Variants in OGDH observed in about 807,000 individuals in gnomAD.
OGDH encodes 2-oxoglutarate dehydrogenase complex component E1.
Under a neutral mutation model 116.6 loss-of-function variants are expected in OGDH, and 38 were observed. The ratio of observed to expected loss-of-function variants is 0.33; its 90% confidence interval spans 0.25 to 0.43. OGDH has a LOEUF of 0.43. Among genes scored for constraint, OGDH ranks in the 20% least tolerant of loss-of-function variants. OGDH has a pLI of 1.00. For synonymous variants in OGDH, 488 were observed against 533.3 expected (o/e 0.92, Z 1.17); for missense variants, 825 against 1,357.2 (o/e 0.61, Z 6.16).
At chr7:44,629,377 G>A (rs1297825012) in intron 2 of OGDH, among the ~76,000 whole-genome samples, 3 of 152,126 alleles carry the variant, frequency 2.0e-5, no homozygotes, top group African/African-American at 7.2e-5. Flanking sequence ...AGTGCCTTCA[G>A]CAGCTGCCTT....
At chr7:44,647,547 C>T in intron 3 of OGDH, 110 bp from the exon 4 acceptor site, 1 of 1,545,370 alleles carries the variant, frequency 6.5e-7, no homozygotes, top group Non-Finnish European at 8.8e-7. Flanking sequence ...GAGAATTAAG[C>T]TGTAAATGCT....
intron 2 of OGDH, among the ~76,000 whole-genome samples, chr7:44,643,423 A>G (rs1304986776): frequency 6.6e-6 from 1 of 152,246 alleles, no homozygotes; most frequent in Non-Finnish European, 1.5e-5. Flanking sequence ...GAAGGAAAAA[A>G]AAAGTATTCC....
At chr7:44,705,798 C>T (rs956726988) in intron 20 of OGDH, among the ~76,000 whole-genome samples, 2 of 152,146 alleles carry the variant, frequency 1.3e-5, no homozygotes, top group African/African-American at 2.4e-5. Context: ...GTTTTGGTTA[C>T]GTGCATATGA....
chr7:44,669,054 A>G (rs901783152), intron 5 of OGDH, among the ~76,000 whole-genome samples: 2 of 151,752 alleles, frequency 1.3e-5, no homozygotes, highest in South Asian at 2.1e-4. Flanking sequence ...TTCTGTTACA[A>G]CAGCCATCTG....
At position 44,707,979 on chromosome 7, in the gene OGDH, G is replaced by A. The variant is rs2070607; in HGVS notation, c.3052G>A (p.Val1018Ile). 77,875 of 1,613,212 alleles carry A rather than the reference G, an allele frequency of 0.048. 2,144 individuals are homozygous for A. The highest frequency in any genetic ancestry group is 0.096 in the Middle Eastern group (581 of 6,062). ...CCTGGACACGGCCTTCGACCTGGAC[G>A]TCTTCAAGAACTTCTCGTAGATGCT... is the stretch of plus-strand genomic sequence containing the variant. ...RLLDTAFDLD[V>I]FKNFS Residue 1018 changes from valine (V) to isoleucine (I), a missense_variant, in exon 23 of 23, where the codon GTC becomes ATC. Around this residue, in one of 7 missense-constraint regions of OGDH, gnomAD observed 212 missense variants for 284.3 expected, o/e 0.75. Coordinates refer to ENST00000222673, the MANE Select transcript of OGDH (RefSeq NM_002541.4). The surrounding 1 kb of genome is among the most constrained non-coding windows in gnomAD (Gnocchi z 5.2).
chr7:44,700,637 GT>G (rs904040257), intron 19 of OGDH, among the ~76,000 whole-genome samples: 3 of 152,236 alleles, frequency 2.0e-5, no homozygotes, highest in Non-Finnish European at 4.4e-5. Context: ...GGAGTGCAGG[GT>G]CCCCAGGGAG....
intron 20 of OGDH, among the ~76,000 whole-genome samples, chr7:44,706,961 G>A (rs913499546): frequency 6.6e-6 from 1 of 152,198 alleles, no homozygotes; most frequent in African/African-American, 2.4e-5. Flanking sequence ...CGAAGTCTGA[G>A]CCAAGCTGTT....
chr7:44,669,139 C>T (rs76780827), intron 5 of OGDH, among the ~76,000 whole-genome samples: 8,695 of 124,916 alleles, frequency 0.07, 324 homozygotes, highest in East Asian at 0.13. Flanking sequence ...GTGGGGAGCC[C>T]GGCAGCTTTT....
rs1787131777 is a variant in OGDH, at chr7:44,665,234, A to G, written c.518-1502A>G. The stretch of plus-strand genomic sequence containing the variant: ...AGTGTTGACAGACTAACAGGAGGGA[A>G]TGGGTGTTCAGGCTTAACTAAGCCA... On this transcript the variant is annotated intron_variant, in intron 4 of 22. Transcript: ENST00000222673. 4.7e-5 allele frequency among the ~76,000 whole-genome samples: 7 copies of G among 147,998 alleles called. No homozygotes were observed. The South Asian group carries it at 1.6e-3, about 33-fold the overall frequency.
rs747404023 is a variant in OGDH, at chr7:44,647,734, C to T, written c.492C>T (p.Asp164=). ...DADLDSSVPA[D]IISSTDKLGF... is the part of the protein sequence containing the mutation. ...ATCTGGACTCCTCCGTGCCCGCTGA[C>T]ATTATCTCATCCACAGACAAACTTG... The change falls in exon 4 of 23, where the codon GAC becomes GAT. Residue 164 remains aspartate (D), a synonymous_variant. Coordinates refer to ENST00000222673, the MANE Select transcript of OGDH (RefSeq NM_002541.4). The T allele has an allele frequency of 1.2e-6, 2 of 1,614,004 alleles. No individual in the cohort carries two copies. Among genetic ancestry groups the T allele is most frequent in the Non-Finnish European group, 1.7e-6 (2 of 1,179,974 alleles).
intron 4 of OGDH, among the ~76,000 whole-genome samples, chr7:44,658,632 T>C (rs1301336385): frequency 6.6e-6 from 1 of 152,172 alleles, no homozygotes; most frequent in Non-Finnish European, 1.5e-5. Context: ...TGGATAGCCT[T>C]ATGCCCTGTT....
chr7:44,669,550 A>T (rs937944851), intron 5 of OGDH, among the ~76,000 whole-genome samples: 1 of 152,024 alleles, frequency 6.6e-6, no homozygotes. Context: ...GGGCCTGTTC[A>T]GGACCTTCCT....
chr7:44,618,201 A>C (rs1035798866), intron 1 of OGDH, among the ~76,000 whole-genome samples: 1 of 152,230 alleles, frequency 6.6e-6, no homozygotes, highest in South Asian at 2.1e-4. Context: ...TGATAAGTTC[A>C]GTTACATTTT....
At chr7:44,630,524 T>C (rs1785393496) in intron 2 of OGDH, among the ~76,000 whole-genome samples, 1 of 152,246 alleles carries the variant, frequency 6.6e-6, no homozygotes, top group South Asian at 2.1e-4. Context: ...TAATCTTTTA[T>C]GTTTGATTTA....
intron 20 of OGDH, among the ~76,000 whole-genome samples, chr7:44,704,316 T>C (rs1337752207): frequency 6.6e-6 from 1 of 152,224 alleles, no homozygotes; most frequent in Non-Finnish European, 1.5e-5. Context: ...ATGTTGAGCA[T>C]CTTTTCATAT....
chr7:44,671,181 C>G (rs1454279048), intron 5 of OGDH, among the ~76,000 whole-genome samples: 1 of 151,978 alleles, frequency 6.6e-6, no homozygotes, highest in African/African-American at 2.4e-5. Context: ...TGGTGAGGGC[C>G]TCAGGCTGCT....
At chr7:44,684,605 A>G (rs912179042) in intron 10 of OGDH, among the ~76,000 whole-genome samples, 6 of 152,172 alleles carry the variant, frequency 3.9e-5, no homozygotes, top group South Asian at 2.1e-4. Flanking sequence ...GAGTGGTACT[A>G]TTCCCATTTT....
chr7:44,669,317 A>T (rs1043647820), intron 5 of OGDH, among the ~76,000 whole-genome samples: 8 of 151,518 alleles, frequency 5.3e-5, no homozygotes, highest in African/African-American at 1.9e-4. Flanking sequence ...ATGCCTGGCT[A>T]ATTTTTGTAT....
chr7:44,680,709 G>C (rs987991639), intron 9 of OGDH, among the ~76,000 whole-genome samples: 1 of 152,170 alleles, frequency 6.6e-6, no homozygotes, highest in Non-Finnish European at 1.5e-5. Flanking sequence ...TCCTCTACTG[G>C]AGGAAGCTGG....
Sources: allele counts gnomAD v4.1 joint callset (sites outside exome capture counted in the v4.1 genomes callset), GRCh38; gene constraint gnomAD v4.1.1; regional missense constraint gnomAD v4.1.1; non-coding constraint Gnocchi (gnomAD v3.1); transcripts MANE v1.5; gene names NCBI Gene and HGNC (gene_info 2026-07-23, HGNC 2026-07-21).